The following SBNO1 variants were observed in gnomAD, a reference collection of about 807,000 sequenced individuals.
SBNO1 encodes the protein protein strawberry notch homolog 1.
A neutral mutation model predicts 173.6 loss-of-function variants in SBNO1; 23 were observed. The ratio of observed to expected loss-of-function variants is 0.13; its 90% CI spans 0.10 to 0.19. SBNO1 has a LOEUF of 0.19. SBNO1 is among the 10% of genes least tolerant of loss of function. The pLI, the probability that SBNO1 is intolerant of heterozygous loss-of-function variation, is 1.00. For synonymous variants in SBNO1, 632 were observed against 571.5 expected (o/e 1.11, Z -1.51); for missense variants, 1,238 against 1,671.2 (o/e 0.74, Z 4.52).
In SBNO1 at chr12:123,320,693, G is replaced by A; in HGVS notation, c.2491+6C>T. The A allele has an allele frequency of 6.3e-7, 1 of 1,597,332 alleles. No individual in the cohort carries two copies. The highest frequency in any genetic ancestry group is 8.5e-7 in the Non-Finnish European group (1 of 1,174,118). On this transcript the variant is annotated splice_donor_region_variant and intron_variant, in intron 18 of 31. Transcript: ENST00000602398. ...TATTTCAAAAAGGAAGTTTCTGTATGGATACCTGGTGTACTGTTAGGAGCA... is the reference window on the plus strand; with the variant it reads ...TATTTCAAAAAGGAAGTTTCTGTATAGATACCTGGTGTACTGTTAGGAGCA...
intron 28 of SBNO1, among the ~76,000 whole-genome samples, chr12:123,307,955 C>T (rs1227245103): frequency 6.6e-6 from 1 of 152,020 alleles, no homozygotes; most frequent in East Asian, 1.9e-4. Context: ...GCCTGTAGTC[C>T]CAGCTACTCG....
At chr12:123,324,912 G>A (rs981746767) in intron 15 of SBNO1, among the ~76,000 whole-genome samples, 1 of 151,754 alleles carries the variant, frequency 6.6e-6, no homozygotes, top group Admixed American at 6.6e-5. Context: ...GGGTTCAATG[G>A]ATTCTCCTGC....
chr12:123,359,359 A>G (rs1874852458), intron 1 of SBNO1, among the ~76,000 whole-genome samples: 1 of 151,828 alleles, frequency 6.6e-6, no homozygotes, highest in African/African-American at 2.4e-5. Flanking sequence ...AGCCTGGCCA[A>G]CATATACACT....
rs143013489 is a variant in SBNO1 at position 123,294,634 on chromosome 12, C to CAAAA, written c.*1270_*1273dup. The CAAAA allele has an allele frequency of 2.4e-3, 145 of 60,024 alleles. 3 individuals are homozygous for CAAAA. Among genetic ancestry groups the CAAAA allele is most frequent in the East Asian group, 0.01 (20 of 1,970 alleles). 3.7% of individuals were successfully genotyped at this position (60,024 alleles called of 1,614,324 possible). On this transcript the variant is annotated 3_prime_UTR_variant, in exon 32 of 32. Transcript: ENST00000602398. ...TTTTCAATAGTGCAACCTGTGGAAGCAAAAAAAAAAAAAAAAAAAAAAAAA... is the reference window on the plus strand; with the variant it reads ...TTTTCAATAGTGCAACCTGTGGAAGCAAAAAAAAAAAAAAAAAAAAAAAAAAAAA...
chr12:123,345,412 C>G lies in SBNO1; in HGVS notation c.396G>C (p.Pro132=), dbSNP rs138172951. The part of the protein sequence containing the change: ...KFIQTTASTR[P]SVSAPTVRNA... The stretch of plus-strand genomic sequence containing the variant: ...TTCGTACTGTTGGTGCTGAGACTGA[C>G]GGGCGTGTGCTTGCAGTAGTCTGGA... Residue 132 remains proline, a synonymous_variant, in exon 4 of 32, where the codon CCG becomes CCC. Coordinates refer to ENST00000602398, the MANE Select transcript of SBNO1 (RefSeq NM_001167856.3). 3.7e-6 allele frequency: 6 copies of G among 1,614,122 alleles called. No homozygotes were observed. Among genetic ancestry groups the G allele is most frequent in the Non-Finnish European group, 5.1e-6 (6 of 1,180,032 alleles).
intron 25 of SBNO1, among the ~76,000 whole-genome samples, chr12:123,310,169 G>GA (rs1432805304): frequency 1.3e-5 from 2 of 152,194 alleles, no homozygotes; most frequent in African/African-American, 4.8e-5. Context: ...GGCACTATTA[G>GA]AATGTCTGGG....
rs751238350 is a variant in SBNO1 at position 123,327,709 on chromosome 12, C to T, written c.1536G>A (p.Arg512=). 1 of 1,610,528 alleles carries T rather than the reference C, an allele frequency of 6.2e-7. No individual in the cohort carries two copies. Among genetic ancestry groups the T allele is most frequent in the East Asian group, 2.2e-5 (1 of 44,812 alleles). ...EFSDFIQAVE[R]RGVGAMEIVA... ...GTATATACCGTAAACTGCATTACCT[C>T]CGTTCTACTGCTTGAATAAAATCAC... The change falls in exon 12 of 32, where the codon CGG becomes CGA. Residue 512 remains arginine, a splice_region_variant and synonymous_variant. Coordinates refer to ENST00000602398, the MANE Select transcript of SBNO1 (RefSeq NM_001167856.3).
chr12:123,342,290 T>C (rs1872659262), intron 4 of SBNO1, among the ~76,000 whole-genome samples: 1 of 149,026 alleles, frequency 6.7e-6, no homozygotes, highest in African/African-American at 2.5e-5. Flanking sequence ...TTTAAAAAAA[T>C]ACAAAAAAAA....
chr12:123,353,270 T>C (rs1874086805), intron 1 of SBNO1, among the ~76,000 whole-genome samples: 1 of 152,158 alleles, frequency 6.6e-6, no homozygotes, highest in African/African-American at 2.4e-5. Flanking sequence ...ATAGGTAATA[T>C]AATTTAAGAG....
intron 31 of SBNO1, among the ~76,000 whole-genome samples, chr12:123,297,508 AAC>A (rs2048650161): frequency 6.6e-6 from 1 of 151,378 alleles, no homozygotes; most frequent in Non-Finnish European, 1.5e-5. Flanking sequence ...AAGATAAGCA[AAC>A]AGAGTCCAGT....
intron 30 of SBNO1, among the ~76,000 whole-genome samples, chr12:123,299,354 T>G (rs1383343228): frequency 8.0e-6 from 1 of 124,420 alleles, no homozygotes; most frequent in Non-Finnish European, 1.7e-5. Flanking sequence ...GGCAACAGAG[T>G]GAGACTCTGT....
At chr12:123,363,350 A>G (rs763829262) in intron 1 of SBNO1, among the ~76,000 whole-genome samples, 3 of 152,200 alleles carry the variant, frequency 2.0e-5, no homozygotes, top group Non-Finnish European at 2.9e-5. Flanking sequence ...TCTGATTGCT[A>G]GAAAATATGG....
intron 30 of SBNO1, among the ~76,000 whole-genome samples, chr12:123,298,523 G>A (rs894233880): frequency 9.9e-5 from 15 of 152,164 alleles, no homozygotes; most frequent in South Asian, 2.1e-4. Context: ...CCAAAGGGCC[G>A]GGATTACAGG....
intron 10 of SBNO1, 61 bp from the exon 11 acceptor site, chr12:123,328,088 C>CA: frequency 7.5e-7 from 1 of 1,327,468 alleles, no homozygotes; most frequent in Admixed American, 2.1e-5. Context: ...TCCAGTCTTT[C>CA]AAGAAGAGTT....
chr12:123,344,252 A>ATG (rs746204772), intron 4 of SBNO1, among the ~76,000 whole-genome samples: 15 of 152,192 alleles, frequency 9.9e-5, no homozygotes, highest in Non-Finnish European at 1.8e-4. Flanking sequence ...TCAGGGTCAC[A>ATG]GTGCTGCACT....
chr12:123,333,366 T>A (rs1167543300), intron 7 of SBNO1, among the ~76,000 whole-genome samples: 3 of 152,050 alleles, frequency 2.0e-5, no homozygotes, highest in Non-Finnish European at 4.4e-5. Flanking sequence ...TACCCCCCAA[T>A]AATGTGGATG....
rs2048550926 is a variant in SBNO1, at chr12:123,294,193, T to C, written c.*1715A>G. On this transcript the variant is annotated 3_prime_UTR_variant, in exon 32 of 32. Coordinates refer to ENST00000602398, the MANE Select transcript of SBNO1 (RefSeq NM_001167856.3). ...CTTTTAGGCACCAAGAATAAATAAA[T>C]CCTAAGAAAACTTACGGTAAGCTTG... The C allele has an allele frequency of 6.6e-6, 1 of 151,660 alleles. No individual in the cohort carries two copies. The highest frequency in any genetic ancestry group is 2.4e-5 in the African/African-American group (1 of 41,302). 9.4% of individuals were successfully genotyped at this position (151,660 alleles called of 1,614,324 possible).
At chr12:123,362,739 A>C (rs1265246682) in intron 1 of SBNO1, among the ~76,000 whole-genome samples, 1 of 136,986 alleles carries the variant, frequency 7.3e-6, no homozygotes, top group Admixed American at 8.4e-5. Context: ...ACTACACTCC[A>C]GCCTGGGCAA....
intron 30 of SBNO1, among the ~76,000 whole-genome samples, chr12:123,298,643 C>T (rs532918254): frequency 6.6e-6 from 1 of 152,298 alleles, no homozygotes; most frequent in South Asian, 2.1e-4. Flanking sequence ...TTAGCATTTC[C>T]AATTTAAGGT....
Sources: gnomAD v4.1 joint callset for allele counts (sites outside exome capture counted in the v4.1 genomes callset) on GRCh38, gnomAD v4.1.1 for gene constraint, MANE v1.5 for transcripts, NCBI Gene and HGNC (gene_info 2026-07-23, HGNC 2026-07-21) for gene names.